Variants in SLC66A2 observed in about 807,000 individuals in gnomAD.
SLC66A2 encodes the protein solute carrier family 66 member 2.
In SLC66A2, 23 loss-of-function variants were observed where a neutral mutation model predicts 25.5. That is an observed-to-expected ratio of 0.90 (90% CI 0.65 to 1.28). The LOEUF (loss-of-function observed/expected upper bound fraction) is 1.28, where lower values mean the gene tolerates loss of function less well. SLC66A2 is among the 50% of genes most tolerant of loss of function. The pLI, the probability that SLC66A2 is intolerant of heterozygous loss-of-function variation, is 0.00. For synonymous variants in SLC66A2, 193 were observed against 166.5 expected (o/e 1.16, Z -1.23); for missense variants, 396 against 373.1 (o/e 1.06, Z -0.51).
chr18:79,915,224 C>A (rs1983816036), intron 5 of SLC66A2, among the ~76,000 whole-genome samples: 1 of 152,120 alleles, frequency 6.6e-6, no homozygotes, highest in Non-Finnish European at 1.5e-5. Context: ...CTTAAAAGCG[C>A]AGACCGGATG....
intron 5 of SLC66A2, among the ~76,000 whole-genome samples, chr18:79,911,752 G>A (rs1205953593): frequency 1.3e-5 from 2 of 151,722 alleles, no homozygotes; most frequent in Admixed American, 6.6e-5. Context: ...GAGCAGGGAG[G>A]GGACGCAGCA....
At chr18:79,949,361 G>C (rs535917933) in intron 2 of SLC66A2, among the ~76,000 whole-genome samples, 68 of 152,266 alleles carry the variant, frequency 4.5e-4, no homozygotes, top group African/African-American at 1.6e-3. Flanking sequence ...CCTCAATAAG[G>C]TTGACTTAAA....
chr18:79,908,521 G>T (rs1020199457), intron 5 of SLC66A2, among the ~76,000 whole-genome samples: 6 of 152,066 alleles, frequency 3.9e-5, no homozygotes, highest in Admixed American at 3.3e-4. Context: ...ATATGTTTGG[G>T]ATTCACTGAA....
rs369096451 is a variant in SLC66A2, at chr18:79,919,404, G to C, written c.392-4C>G. Reference sequence around the variant, plus strand: ...CAGAAGTGGTGGGGGTCGAAGTCTAGGGCGAGAGGGAGAAGCAGCCTCAGC... The same window carrying C: ...CAGAAGTGGTGGGGGTCGAAGTCTACGGCGAGAGGGAGAAGCAGCCTCAGC... On this transcript the variant is annotated splice_polypyrimidine_tract_variant and splice_region_variant and intron_variant, in intron 4 of 5. Transcript: ENST00000397778. The C allele has an allele frequency of 1.2e-6, 2 of 1,612,058 alleles. No individual in the cohort carries two copies. Among genetic ancestry groups the C allele is most frequent in the African/African-American group, 1.3e-5 (1 of 74,916 alleles).
chr18:79,932,573 C>G (rs1478629341), intron 4 of SLC66A2, among the ~76,000 whole-genome samples: 2 of 151,530 alleles, frequency 1.3e-5, no homozygotes. Flanking sequence ...GCTAGACTGA[C>G]CAAAAAAAGA....
chr18:79,950,695 C>A, intron 2 of SLC66A2, 29 bp downstream of exon 2: 1 of 1,608,794 alleles, frequency 6.2e-7, no homozygotes, highest in Non-Finnish European at 8.5e-7. Flanking sequence ...TCTCCGGGTG[C>A]AGCCCAGGAA....
intron 1 of SLC66A2, 47 bp downstream of exon 1, chr18:79,951,524 TCCTCGGCCGC>T (rs894648334): frequency 6.6e-6 from 1 of 152,030 alleles, no homozygotes; most frequent in African/African-American, 2.4e-5. Context: ...CGGCCCTGCG[TCCTCGGCCGC>T]CCTAGGCCGC....
intron 2 of SLC66A2, among the ~76,000 whole-genome samples, chr18:79,950,149 C>CTGGGCAACAAAGTGAGACAACCCCCCAGG (rs1327844500): frequency 6.6e-6 from 1 of 151,966 alleles, no homozygotes; most frequent in African/African-American, 2.4e-5. Context: ...CGAGACCAGC[C>CTGGGCAACAAAGTGAGACAACCCCCCAGG]TGGGCAACAA....
intron 5 of SLC66A2, among the ~76,000 whole-genome samples, chr18:79,912,320 C>T (rs1167221433): frequency 6.6e-6 from 1 of 152,144 alleles, no homozygotes; most frequent in Admixed American, 6.5e-5. Context: ...ACAGCATAAA[C>T]GTTAAACAAC....
intron 5 of SLC66A2, among the ~76,000 whole-genome samples, chr18:79,907,158 C>T (rs1982232550): frequency 1.3e-5 from 2 of 152,090 alleles, no homozygotes; most frequent in African/African-American, 4.8e-5. Context: ...TATGATTAGG[C>T]CATTTACATT....
At chr18:79,946,803 T>C (rs1046390917) in intron 2 of SLC66A2, among the ~76,000 whole-genome samples, 1 of 152,090 alleles carries the variant, frequency 6.6e-6, no homozygotes, top group Non-Finnish European at 1.5e-5. Context: ...CCGTCTCTAC[T>C]AAAAATACAA....
Position 79,903,771 on chromosome 18 carries a change from G to T in SLC66A2, c.*205C>A. The T allele has an allele frequency of 1.8e-6, 1 of 548,174 alleles. No homozygotes were observed. Among genetic ancestry groups the T allele is most frequent in the South Asian group, 2.5e-5 (1 of 39,264 alleles). 34.0% of individuals were successfully genotyped at this position (548,174 alleles called of 1,614,324 possible). Reference sequence around the variant, plus strand: ...AACCCTCGGGGCCAGATCAACCCTGGCTGTCCCCGCTGAGCACAAACAGCG... The same window carrying T: ...AACCCTCGGGGCCAGATCAACCCTGTCTGTCCCCGCTGAGCACAAACAGCG... On this transcript the variant is annotated 3_prime_UTR_variant, in exon 6 of 6. Transcript: ENST00000397778.
chr18:79,935,250 A>C (rs1224934017), intron 3 of SLC66A2: 2 of 152,344 alleles, frequency 1.3e-5, no homozygotes, highest in Non-Finnish European at 2.9e-5. Flanking sequence ...AGGCTGGGGA[A>C]GAAGACATGG....
At chr18:79,932,120 T>C (rs931317847) in intron 4 of SLC66A2, among the ~76,000 whole-genome samples, 3 of 152,258 alleles carry the variant, frequency 2.0e-5, no homozygotes, top group African/African-American at 7.2e-5. Flanking sequence ...TTCACAAATA[T>C]GTGGAAGTTA....
At chr18:79,943,308 T>G in intron 3 of SLC66A2, 21 bp downstream of exon 3, 1 of 1,612,376 alleles carries the variant, frequency 6.2e-7, no homozygotes, top group Non-Finnish European at 8.5e-7. Context: ...GCGACTTTAT[T>G]CCGAAGCGCC....
intron 2 of SLC66A2, among the ~76,000 whole-genome samples, chr18:79,945,790 G>A (rs372403086): frequency 1.3e-5 from 2 of 152,200 alleles, no homozygotes; most frequent in African/African-American, 4.8e-5. Context: ...AAGCACGATC[G>A]CAACCCCCAA....
At chr18:79,943,595 C>A in intron 2 of SLC66A2, 133 bp from the exon 3 acceptor site, 1 of 1,051,250 alleles carries the variant, frequency 9.5e-7, no homozygotes. Context: ...GAACCTGCAG[C>A]CGGAGAGACC....
chr18:79,903,856 AATGCCC>A lies in SLC66A2; in HGVS notation c.*114_*119del. The A allele has an allele frequency of 1.3e-6, 1 of 778,068 alleles. No individual in the cohort carries two copies. Among genetic ancestry groups the A allele is most frequent in the Non-Finnish European group, 2.0e-6 (1 of 503,004 alleles). 48.2% of individuals were successfully genotyped at this position (778,068 alleles called of 1,614,324 possible). On this transcript the variant is annotated 3_prime_UTR_variant, in exon 6 of 6. Coordinates refer to ENST00000397778, the MANE Select transcript of SLC66A2 (RefSeq NM_025078.5). ...CCCCACAGAGGCTGATGGAGACCCC[AATGCCC>A]ATGCCCCATCTCTGCCACACCTGCA... is the stretch of plus-strand genomic sequence containing the variant.
intron 5 of SLC66A2, among the ~76,000 whole-genome samples, chr18:79,914,421 CCTGAGACGTCT>C (rs1983682333): frequency 6.6e-6 from 1 of 152,166 alleles, no homozygotes; most frequent in South Asian, 2.1e-4. Flanking sequence ...CACAAAGGAA[CCTGAGACGTCT>C]CTGACCTGCC....
Sources: gnomAD v4.1 joint callset for allele counts (sites outside exome capture counted in the v4.1 genomes callset) on GRCh38, gnomAD v4.1.1 for gene constraint, MANE v1.5 for transcripts, NCBI Gene and HGNC (gene_info 2026-07-23, HGNC 2026-07-21) for gene names.